TCF3: variants seen among roughly 807,000 people sequenced by gnomAD.
The protein encoded by TCF3 is transcription factor 3, also known as transcription factor E2-alpha.
In TCF3, 54 loss-of-function variants were observed where a neutral mutation model predicts 72.3. The ratio of observed to expected loss-of-function variants is 0.75; its 90% confidence interval spans 0.60 to 0.94. The LOEUF (loss-of-function observed/expected upper bound fraction) is 0.94. Ranked by LOEUF, TCF3 falls within the 40% of genes least tolerant of loss-of-function variation. The pLI, the probability that TCF3 is intolerant of heterozygous loss-of-function variation, is 0.00. For synonymous variants in TCF3, 525 were observed against 412.6 expected (o/e 1.27, Z -3.30); for missense variants, 1,078 against 934.4 (o/e 1.15, Z -2.00).
At position 1,622,186 on chromosome 19, in the gene TCF3, GGGA is replaced by G. The variant is rs1485706155; in HGVS notation, c.687_689del (p.Pro231del). On this transcript the variant is annotated inframe_deletion, in exon 10 of 19. Coordinates refer to ENST00000262965, the MANE Select transcript of TCF3 (RefSeq NM_003200.5). The stretch of plus-strand genomic sequence containing the variant: ...TGGGCCCGAAGCCCGCCTGGCCCGG[GGGA>G]CTCCAGAGCTCGGCTGAGGGGTGCA... 1.9e-6 allele frequency: 3 copies of G among 1,567,684 alleles called. No homozygotes were observed. The highest frequency in any genetic ancestry group is 2.6e-6 in the Non-Finnish European group (3 of 1,158,990).
chr19:1,638,452 T>C (rs2064775074), intron 3 of TCF3, among the ~76,000 whole-genome samples: 3 of 152,188 alleles, frequency 2.0e-5, no homozygotes, highest in Admixed American at 1.3e-4. Flanking sequence ...CCGGCTAATT[T>C]TTTTGTATTT....
chr19:1,648,465 T>G (rs1210546026), intron 2 of TCF3, among the ~76,000 whole-genome samples: 1 of 151,662 alleles, frequency 6.6e-6, no homozygotes. Context: ...AGGTGAGGAG[T>G]CAGGTCCTGG....
At chr19:1,639,350 C>T (rs1244790674) in intron 3 of TCF3, among the ~76,000 whole-genome samples, 1 of 152,130 alleles carries the variant, frequency 6.6e-6, no homozygotes, top group Non-Finnish European at 1.5e-5. Context: ...AGCCAAGGAA[C>T]GGATTTTTTT....
chr19:1,621,872 G>A lies in TCF3; in HGVS notation c.921C>T (p.His307=), dbSNP rs747817990. 2 of 1,594,820 alleles carry A rather than the reference G, an allele frequency of 1.3e-6. No homozygotes were observed. Among genetic ancestry groups the A allele is most frequent in the East Asian group, 2.3e-5 (1 of 44,170 alleles). The change falls in exon 11 of 19, where the codon CAC becomes CAT. Residue 307 remains histidine, a synonymous_variant. Transcript: ENST00000262965. ...PGATYGGVSS[H]TPPVSGADSL... is the part of the protein sequence containing the mutation. ...TGTCGGCCCCGCTGACAGGCGGCGT[G>A]TGGCTGGAGACGCCGCCGTACGTGG...
In TCF3 at chr19:1,624,089, C is replaced by T. The variant is rs144402336; in HGVS notation, c.500-89G>A. ...CTGGAGGAGAGACCCTCACAATTCC[C>T]GTTTCATATATTAAAAACCTCGGGT... On this transcript the variant is annotated intron_variant, in intron 7 of 18. Transcript: ENST00000262965. 865 of 1,365,248 alleles carry T rather than the reference C, an allele frequency of 6.3e-4. 4 individuals are homozygous for T. The African/African-American group carries it at 0.011, about 17-fold the overall frequency. 84.6% of individuals were successfully genotyped at this position (1,365,248 alleles called of 1,614,324 possible).
At chr19:1,624,490 C>T (rs573814376) in intron 7 of TCF3, among the ~76,000 whole-genome samples, 6 of 152,344 alleles carry the variant, frequency 3.9e-5, no homozygotes, top group East Asian at 1.9e-4. Context: ...TTTTCTCCCG[C>T]GACGCGCAGT....
intron 3 of TCF3, among the ~76,000 whole-genome samples, chr19:1,638,775 A>G (rs1442715579): frequency 1.3e-5 from 2 of 152,244 alleles, no homozygotes; most frequent in African/African-American, 2.4e-5. Flanking sequence ...GCAGAGCCGC[A>G]AAGCGGTACA....
rs2060987262 is a variant in TCF3, at chr19:1,611,583, G to A, written c.*124C>T. 5.2e-6 allele frequency: 7 copies of A among 1,355,114 alleles called. No individual in the cohort carries two copies. The highest frequency in any genetic ancestry group is 6.9e-6 in the Non-Finnish European group (7 of 1,010,942). 83.9% of individuals were successfully genotyped at this position (1,355,114 alleles called of 1,614,324 possible). A position where few individuals can be genotyped will look rare whatever the true frequency, so the allele number is the denominator to read the frequency against. ...CTCCGAACCTTGTCAGGTTGGTGTT[G>A]GCTCGATGCTGACAACAGGTGTGTG... On this transcript the variant is annotated 3_prime_UTR_variant, in exon 19 of 19. Transcript: ENST00000262965.
Position 1,611,611 on chromosome 19 carries a change from G to C in TCF3, c.*96C>G. The C allele has an allele frequency of 6.7e-7, 1 of 1,484,374 alleles. No homozygotes were observed. Among genetic ancestry groups the C allele is most frequent in the Non-Finnish European group, 9.1e-7 (1 of 1,100,532 alleles). 92.0% of individuals were successfully genotyped at this position (1,484,374 alleles called of 1,614,324 possible). ...TCGATGCTGACAACAGGTGTGTGAGGTGTGGATGTGGATGAAGCCCGGGGT... is the reference window on the plus strand; with the variant it reads ...TCGATGCTGACAACAGGTGTGTGAGCTGTGGATGTGGATGAAGCCCGGGGT... On this transcript the variant is annotated 3_prime_UTR_variant, in exon 19 of 19. Transcript: ENST00000262965.
chr19:1,630,940 C>T (rs552165094), intron 5 of TCF3, among the ~76,000 whole-genome samples: 152 of 152,360 alleles, frequency 1.0e-3, no homozygotes, highest in African/African-American at 3.5e-3. Flanking sequence ...GGACACTGTC[C>T]CAGTCGCAGC....
chr19:1,612,365 TTA>T (rs1265783955), intron 18 of TCF3: 1 of 1,613,868 alleles, frequency 6.2e-7, no homozygotes, highest in Non-Finnish European at 8.5e-7. Flanking sequence ...CTCCCGCGCG[TTA>T]TTGGCCATGC....
chr19:1,635,212 A>G (rs1381707395), intron 3 of TCF3, among the ~76,000 whole-genome samples: 1 of 152,078 alleles, frequency 6.6e-6, no homozygotes, highest in African/African-American at 2.4e-5. Flanking sequence ...ATGTGCCCCC[A>G]CTCAGGTGCT....
At chr19:1,651,981 G>A (rs1311884264) in intron 1 of TCF3, among the ~76,000 whole-genome samples, 2 of 150,510 alleles carry the variant, frequency 1.3e-5, no homozygotes, top group South Asian at 2.1e-4. Context: ...GGGGGGGACG[G>A]TCCTCGCGCC....
Position 1,615,642 on chromosome 19 carries a change from C to G in TCF3, c.1586+44G>C, listed in dbSNP as rs756251637. The G allele has an allele frequency of 6.2e-7, 1 of 1,612,478 alleles. No individual in the cohort carries two copies. Among genetic ancestry groups the G allele is most frequent in the South Asian group, 1.1e-5 (1 of 91,070 alleles). On this transcript the variant is annotated intron_variant, in intron 17 of 18. Coordinates refer to ENST00000262965, the MANE Select transcript of TCF3 (RefSeq NM_003200.5). The surrounding 1 kb of genome is among the most constrained non-coding windows in gnomAD (Gnocchi z 7.3). ...GCGTGTGGCCTGTGCACATGTGCGTCCTGATGGGGTGAGGGTGGGGAGTGC... is the reference window on the plus strand; with the variant it reads ...GCGTGTGGCCTGTGCACATGTGCGTGCTGATGGGGTGAGGGTGGGGAGTGC...
intron 16 of TCF3, among the ~76,000 whole-genome samples, chr19:1,617,377 T>TA (rs1220479472): frequency 2.0e-5 from 3 of 152,210 alleles, no homozygotes; most frequent in African/African-American, 7.2e-5. Context: ...AACCAGCGTG[T>TA]AAAGAACACG....
intron 3 of TCF3, among the ~76,000 whole-genome samples, chr19:1,638,144 C>T (rs1316355900): frequency 6.6e-6 from 1 of 152,206 alleles, no homozygotes; most frequent in Non-Finnish European, 1.5e-5. Flanking sequence ...AAGACAGGCA[C>T]ACAAGGAAAG....
At position 1,610,734 on chromosome 19, in the gene TCF3, A is replaced by C. The variant is rs2145677937; in HGVS notation, c.*973T>G. ...TGGGAGGGTCAGAGCCACCTTGCTG[A>C]CGTCCCTTCCCCCAAGCCCAGGTCA... On this transcript the variant is annotated 3_prime_UTR_variant, in exon 19 of 19. Transcript: ENST00000262965. The C allele has an allele frequency of 8.6e-6, 2 of 231,538 alleles. 1 individual carries two copies. The highest frequency in any genetic ancestry group is 4.4e-5 in the African/African-American group (2 of 45,258). The allele number at this position is 231,538 out of a possible 1,614,324, so 14.3% of individuals were successfully genotyped here. A position where few individuals can be genotyped will look rare whatever the true frequency, so the allele number is the denominator to read the frequency against.
chr19:1,627,877 A>G lies in TCF3; in HGVS notation c.299-451T>C, dbSNP rs1351329360. Among the ~76,000 whole-genome samples the G allele has an allele frequency of 7.8e-4, 4 of 5,096 alleles. 1 individual carries two copies. The highest frequency in any genetic ancestry group is 6.5e-3 in the African/African-American group (4 of 616). The allele number at this position is 5,096 out of a possible 152,430, so 3.3% of individuals were successfully genotyped here. On this transcript the variant is annotated intron_variant, in intron 5 of 18. Coordinates refer to ENST00000262965, the MANE Select transcript of TCF3 (RefSeq NM_003200.5). ...GCGGGAAGGGGACAGCAGAGCTCAC[A>G]GGGGGTGAGGCGGGAAGGGGACAGC...
At chr19:1,644,207 G>C (rs1031040611) in intron 3 of TCF3, among the ~76,000 whole-genome samples, 3 of 152,234 alleles carry the variant, frequency 2.0e-5, no homozygotes, top group Non-Finnish European at 2.9e-5. Context: ...TGAACCTGAC[G>C]ATGGAAGAGA....
Sources: gnomAD v4.1 joint callset for allele counts (sites outside exome capture counted in the v4.1 genomes callset) on GRCh38, gnomAD v4.1.1 for gene constraint, Gnocchi (gnomAD v3.1) non-coding constraint, MANE v1.5 for transcripts, NCBI Gene and HGNC (gene_info 2026-07-23, HGNC 2026-07-21) for gene names.